CGNL1: variants seen among roughly 807,000 people sequenced by gnomAD.
CGNL1 encodes cingulin like 1.
Under a neutral mutation model 141.2 loss-of-function variants are expected in CGNL1, and 132 were observed. That is an observed-to-expected ratio of 0.93 (90% CI 0.81 to 1.08). CGNL1 has a LOEUF of 1.08. Ranked by LOEUF, CGNL1 falls within the 50% of genes least tolerant of loss-of-function variation. The probability of loss-of-function intolerance (pLI) is 0.00; values close to 1 mark genes in which losing one functional copy is unlikely to be tolerated. For synonymous variants in CGNL1, 690 were observed against 622.1 expected (o/e 1.11, Z -1.63); for missense variants, 1,870 against 1,588.6 (o/e 1.18, Z -3.01).
intron 9 of CGNL1, among the ~76,000 whole-genome samples, chr15:57,517,294 G>C (rs896798233): frequency 6.6e-6 from 1 of 152,176 alleles, no homozygotes; most frequent in Non-Finnish European, 1.5e-5. Flanking sequence ...TGAAAGGGCT[G>C]TCTTAACACC....
intron 7 of CGNL1, among the ~76,000 whole-genome samples, chr15:57,455,877 A>G (rs961849232): frequency 6.6e-6 from 1 of 152,186 alleles, no homozygotes; most frequent in African/African-American, 2.4e-5. Flanking sequence ...GGAGTGGGCA[A>G]TAGCACATAT....
At chr15:57,437,927 T>G in intron 1 of CGNL1, 58 bp from the exon 2 acceptor site, 2 of 1,421,488 alleles carry the variant, frequency 1.4e-6, no homozygotes, top group African/African-American at 1.4e-5. Context: ...TCAGTCTTCA[T>G]TTAAACAGAT....
At chr15:57,400,148 C>T (rs1219011923) in intron 1 of CGNL1, among the ~76,000 whole-genome samples, 1 of 152,064 alleles carries the variant, frequency 6.6e-6, no homozygotes, top group African/African-American at 2.4e-5. Context: ...TGTGCACCAT[C>T]ATGCCTAGCC....
intron 1 of CGNL1, among the ~76,000 whole-genome samples, chr15:57,423,180 C>T (rs970676681): frequency 5.9e-5 from 9 of 152,140 alleles, no homozygotes; most frequent in Non-Finnish European, 1.2e-4. Flanking sequence ...TTCAGCTGAT[C>T]GTGTCACACC....
At chr15:57,486,852 G>C (rs550406953) in intron 8 of CGNL1, among the ~76,000 whole-genome samples, 2 of 152,306 alleles carry the variant, frequency 1.3e-5, no homozygotes, top group African/African-American at 4.8e-5. Flanking sequence ...TGCAATAGTT[G>C]CATGCTCCTG....
At chr15:57,445,396 A>G (rs766506152) in intron 4 of CGNL1, among the ~76,000 whole-genome samples, 1 of 152,040 alleles carries the variant, frequency 6.6e-6, no homozygotes, top group Non-Finnish European at 1.5e-5. Context: ...CCTCCCTCTT[A>G]GGTTTGGAAT....
chr15:57,434,180 GAA>G (rs1348118692), intron 1 of CGNL1, among the ~76,000 whole-genome samples: 2 of 152,172 alleles, frequency 1.3e-5, no homozygotes, highest in Non-Finnish European at 2.9e-5. Context: ...CTTGCAGAGA[GAA>G]GTTATTTCAT....
rs1453454049 is a variant in CGNL1, at chr15:57,549,668, A to G, written c.*2178A>G. The G allele has an allele frequency of 2.0e-5, 3 of 152,180 alleles. No individual in the cohort carries two copies. The highest frequency in any genetic ancestry group is 2.9e-5 in the Non-Finnish European group (2 of 68,042). 9.4% of individuals were successfully genotyped at this position (152,180 alleles called of 1,614,324 possible). ...CAGTCCTTGGCACACAGAATACAGC[A>G]GTGAATTAAACAGGCAAAAATTCCT... On this transcript the variant is annotated 3_prime_UTR_variant, in exon 19 of 19. Coordinates refer to ENST00000281282, the MANE Select transcript of CGNL1 (RefSeq NM_032866.5).
chr15:57,396,649 G>A (rs1266417500), intron 1 of CGNL1, among the ~76,000 whole-genome samples: 1 of 152,136 alleles, frequency 6.6e-6, no homozygotes, highest in African/African-American at 2.4e-5. Context: ...GCACTGCTGG[G>A]TCTTAATAGG....
At chr15:57,544,681 T>C (rs1413803403) in intron 16 of CGNL1, 84 bp downstream of exon 16, 3 of 1,485,656 alleles carry the variant, frequency 2.0e-6, no homozygotes, top group African/African-American at 2.8e-5. Context: ...ATTTGGGATC[T>C]GTCCTGATCC....
chr15:57,427,111 A>G (rs1256757150), intron 1 of CGNL1, among the ~76,000 whole-genome samples: 3 of 152,150 alleles, frequency 2.0e-5, no homozygotes, highest in Non-Finnish European at 4.4e-5. Flanking sequence ...CCTGCTGCCC[A>G]TCTGAGAGAA....
intron 1 of CGNL1, among the ~76,000 whole-genome samples, chr15:57,433,831 C>A (rs2063073256): frequency 6.6e-6 from 1 of 152,100 alleles, no homozygotes; most frequent in Non-Finnish European, 1.5e-5. Flanking sequence ...GTGTGCAGCC[C>A]CAGCAATGAA....
At chr15:57,400,406 C>T (rs1263253749) in intron 1 of CGNL1, among the ~76,000 whole-genome samples, 1 of 152,142 alleles carries the variant, frequency 6.6e-6, no homozygotes, top group Non-Finnish European at 1.5e-5. Context: ...AGGATTGTAA[C>T]TTCCATCTGT....
intron 8 of CGNL1, among the ~76,000 whole-genome samples, chr15:57,472,273 T>C (rs778156678): frequency 6.6e-6 from 1 of 150,840 alleles, no homozygotes; most frequent in Non-Finnish European, 1.5e-5. Context: ...CAGAAAGGAG[T>C]GTGGTTTGTT....
At chr15:57,453,862 G>A (rs751587530) in intron 7 of CGNL1, 44 bp downstream of exon 7, 7 of 1,606,486 alleles carry the variant, frequency 4.4e-6, no homozygotes, top group African/African-American at 1.3e-5. Context: ...GGCCCCACCT[G>A]CCTGGAAAGA....
intron 1 of CGNL1, among the ~76,000 whole-genome samples, chr15:57,396,309 CTG>C (rs2062602130): frequency 7.1e-6 from 1 of 140,896 alleles, no homozygotes; most frequent in South Asian, 2.2e-4. Context: ...ACAGTCTCCT[CTG>C]TTGCCCAGGC....
At chr15:57,453,602 C>A (rs1359322375) in intron 6 of CGNL1, 81 bp from the exon 7 acceptor site, 1 of 1,549,284 alleles carries the variant, frequency 6.5e-7, no homozygotes, top group Non-Finnish European at 8.8e-7. Context: ...CTTGTGTAAC[C>A]CTCTGAAGAT....
chr15:57,457,266 T>A (rs1369864505), intron 7 of CGNL1, among the ~76,000 whole-genome samples: 1 of 152,188 alleles, frequency 6.6e-6, no homozygotes, highest in East Asian at 1.9e-4. Context: ...TAGAGCTTTT[T>A]GTGAGCAAAT....
At chr15:57,497,977 G>C (rs1228276001) in intron 8 of CGNL1, among the ~76,000 whole-genome samples, 2 of 152,196 alleles carry the variant, frequency 1.3e-5, no homozygotes, top group African/African-American at 2.4e-5. Context: ...GGTCTAGATG[G>C]AAAACAGAAT....
Sources: gnomAD v4.1 joint callset for allele counts (sites outside exome capture counted in the v4.1 genomes callset) on GRCh38, gnomAD v4.1.1 for gene constraint, MANE v1.5 for transcripts, NCBI Gene and HGNC (gene_info 2026-07-23, HGNC 2026-07-21) for gene names.